The following FAF1 variants were observed in gnomAD, a reference collection of about 807,000 sequenced individuals.
The protein encoded by FAF1 is FAS-associated factor 1.
Under a neutral mutation model 92.5 loss-of-function variants are expected in FAF1, and 25 were observed. The ratio of observed to expected loss-of-function variants is 0.27; its 90% CI spans 0.20 to 0.38. The LOEUF is 0.38. Ranked by LOEUF, FAF1 falls within the 10% of genes least tolerant of loss-of-function variation. FAF1 has a pLI of 1.00. For missense variants in FAF1, 636 were observed against 793.3 expected (o/e 0.80, Z 2.38); for synonymous variants, 234 against 273.2 (o/e 0.86, Z 1.42).
At chr1:50,678,697 T>C (rs1656268249) in intron 7 of FAF1, among the ~76,000 whole-genome samples, 1 of 141,408 alleles carries the variant, frequency 7.1e-6, no homozygotes, top group African/African-American at 2.7e-5. Context: ...GGAGAATCGC[T>C]TGAACCCGGG....
intron 7 of FAF1, among the ~76,000 whole-genome samples, chr1:50,659,450 G>C (rs1038827185): frequency 3.3e-5 from 5 of 152,182 alleles, no homozygotes; most frequent in African/African-American, 1.2e-4. Context: ...GCACAGGCTG[G>C]GGTGCAGTGG....
chr1:50,904,511 G>A (rs1218374144), intron 1 of FAF1, among the ~76,000 whole-genome samples: 2 of 152,122 alleles, frequency 1.3e-5, no homozygotes, highest in Admixed American at 1.3e-4. Flanking sequence ...TAAAATGATA[G>A]ATTTTATGTT....
chr1:50,672,287 C>T (rs1036463907), intron 7 of FAF1, among the ~76,000 whole-genome samples: 7 of 152,206 alleles, frequency 4.6e-5, no homozygotes, highest in South Asian at 4.1e-4. Flanking sequence ...GTGATCCACC[C>T]GCCTCAGCTT....
intron 2 of FAF1, among the ~76,000 whole-genome samples, chr1:50,823,366 CT>C (rs1371114792): frequency 6.6e-6 from 1 of 152,114 alleles, no homozygotes; most frequent in Non-Finnish European, 1.5e-5. Flanking sequence ...GCCCCAAACC[CT>C]GGGGAACTAG....
At chr1:50,841,108 C>T (rs1405731700) in intron 2 of FAF1, among the ~76,000 whole-genome samples, 1 of 151,888 alleles carries the variant, frequency 6.6e-6, no homozygotes, top group East Asian at 1.9e-4. Context: ...CTACTATGGC[C>T]AAAGATGTGG....
At chr1:50,694,237 T>C (rs1209517781) in intron 7 of FAF1, among the ~76,000 whole-genome samples, 4 of 152,282 alleles carry the variant, frequency 2.6e-5, no homozygotes, top group Admixed American at 6.5e-5. Context: ...ATGATAATTA[T>C]AGGACATTAT....
chr1:50,770,238 A>C (rs1008695413), intron 4 of FAF1, among the ~76,000 whole-genome samples: 5 of 152,178 alleles, frequency 3.3e-5, no homozygotes, highest in Non-Finnish European at 7.3e-5. Flanking sequence ...CATATACAGC[A>C]CTGGAAGTCC....
At chr1:50,591,920 T>C (rs1413680521) in intron 9 of FAF1, among the ~76,000 whole-genome samples, 2 of 152,200 alleles carry the variant, frequency 1.3e-5, no homozygotes, top group Non-Finnish European at 2.9e-5. Context: ...TCATTCTTTA[T>C]AATCCAATGT....
intron 16 of FAF1, 109 bp from the exon 17 acceptor site, chr1:50,490,774 A>G (rs1238115114): frequency 3.1e-5 from 23 of 750,760 alleles, no homozygotes; most frequent in Non-Finnish European, 5.4e-5. Context: ...AGTATGTGAC[A>G]TTCAAAGGCT....
chr1:50,860,292 AG>A (rs1644421844), intron 1 of FAF1, among the ~76,000 whole-genome samples: 1 of 152,070 alleles, frequency 6.6e-6, no homozygotes, highest in South Asian at 2.1e-4. Flanking sequence ...GCACAGCAAA[AG>A]AAACTATCAA....
chr1:50,835,108 G>A (rs1245266535), intron 2 of FAF1, among the ~76,000 whole-genome samples: 1 of 152,184 alleles, frequency 6.6e-6, no homozygotes, highest in African/African-American at 2.4e-5. Flanking sequence ...ATGTGAAGAT[G>A]AGAAAAGAAG....
intron 8 of FAF1, among the ~76,000 whole-genome samples, chr1:50,614,027 G>A (rs1294172621): frequency 6.6e-6 from 1 of 151,932 alleles, no homozygotes; most frequent in Non-Finnish European, 1.5e-5. Flanking sequence ...AACCTGAGAG[G>A]TGGAGGTTGC....
At chr1:50,908,040 T>A (rs1236089498) in intron 1 of FAF1, among the ~76,000 whole-genome samples, 1 of 152,226 alleles carries the variant, frequency 6.6e-6, no homozygotes, top group Admixed American at 6.5e-5. Context: ...CACACAGCTT[T>A]AAAAGTGTCC....
intron 9 of FAF1, among the ~76,000 whole-genome samples, chr1:50,585,186 T>C (rs1651167237): frequency 6.6e-6 from 1 of 152,198 alleles, no homozygotes; most frequent in Non-Finnish European, 1.5e-5. Flanking sequence ...CACATTAATT[T>C]ATATTTGGCA....
chr1:50,686,172 T>A (rs193284983), intron 7 of FAF1, among the ~76,000 whole-genome samples: 1 of 152,298 alleles, frequency 6.6e-6, no homozygotes, highest in Non-Finnish European at 1.5e-5. Context: ...ATCAACCCAC[T>A]TGAAATGTTA....
intron 2 of FAF1, among the ~76,000 whole-genome samples, chr1:50,854,987 G>C (rs1465222137): frequency 1.3e-5 from 2 of 151,750 alleles, no homozygotes; most frequent in East Asian, 3.9e-4. Context: ...GGAAATGCTC[G>C]ATGGAACATT....
chr1:50,647,390 G>A (rs750896642), intron 8 of FAF1, among the ~76,000 whole-genome samples: 3 of 152,098 alleles, frequency 2.0e-5, no homozygotes, highest in East Asian at 1.9e-4. Context: ...CTTTCTGTAC[G>A]TCACTTTCCT....
At chr1:50,895,669 C>A (rs1019815344) in intron 1 of FAF1, among the ~76,000 whole-genome samples, 4 of 152,008 alleles carry the variant, frequency 2.6e-5, no homozygotes, top group Non-Finnish European at 4.4e-5. Flanking sequence ...CTGAATTCAA[C>A]AACACATCAA....
At chr1:50,618,040 C>T (rs944113158) in intron 8 of FAF1, among the ~76,000 whole-genome samples, 1 of 152,000 alleles carries the variant, frequency 6.6e-6, no homozygotes, top group Non-Finnish European at 1.5e-5. Context: ...TTTAGATCTT[C>T]TCTTTTTTCC....
Sources: allele counts gnomAD v4.1 joint callset (sites outside exome capture counted in the v4.1 genomes callset), GRCh38; gene constraint gnomAD v4.1.1; transcripts MANE v1.5; gene names NCBI Gene and HGNC (gene_info 2026-07-23, HGNC 2026-07-21).